Variants in HDAC9 observed in about 807,000 individuals in gnomAD.
HDAC9 encodes the protein histone deacetylase 9.
HDAC9 carries 41 observed loss-of-function variants against 139.4 expected under a neutral mutation model. The observed-to-expected ratio is 0.29, with a 90% CI of 0.23 to 0.38. The LOEUF (loss-of-function observed/expected upper bound fraction) is 0.38, where lower values mean the gene tolerates loss of function less well. HDAC9 is among the 10% of genes least tolerant of loss of function. The pLI, the probability that HDAC9 is intolerant of heterozygous loss-of-function variation, is 1.00. For synonymous variants in HDAC9, 517 were observed against 476.2 expected (o/e 1.09, Z -1.12); for missense variants, 1,147 against 1,297.0 (o/e 0.88, Z 1.78).
intron 2 of HDAC9, among the ~76,000 whole-genome samples, chr7:18,227,984 A>G (rs1793186562): frequency 6.6e-6 from 1 of 152,148 alleles, no homozygotes; most frequent in African/African-American, 2.4e-5. Context: ...TCTTTAGTCT[A>G]TATATGCTGA....
intron 2 of HDAC9, among the ~76,000 whole-genome samples, chr7:18,259,156 G>A (rs1795479746): frequency 6.6e-6 from 1 of 151,678 alleles, no homozygotes; most frequent in Non-Finnish European, 1.5e-5. Flanking sequence ...TTTTAGTAGA[G>A]ATGGGGTTTC....
At chr7:18,158,131 G>A (rs1226653350) in intron 1 of HDAC9, among the ~76,000 whole-genome samples, 7 of 152,066 alleles carry the variant, frequency 4.6e-5, no homozygotes, top group East Asian at 1.9e-4. Flanking sequence ...CTATAAAAGC[G>A]TTCTGCTTTT....
intron 23 of HDAC9, among the ~76,000 whole-genome samples, chr7:18,939,631 C>T (rs939525087): frequency 5.3e-5 from 8 of 151,976 alleles, no homozygotes; most frequent in Non-Finnish European, 1.0e-4. Context: ...ATATATAAGG[C>T]GTATTACATG....
intron 22 of HDAC9, among the ~76,000 whole-genome samples, chr7:18,933,163 A>G (rs184337388): frequency 1.2e-3 from 176 of 152,192 alleles, no homozygotes; most frequent in Non-Finnish European, 2.2e-3. Context: ...ACAGAAATTT[A>G]TTTCTCACAG....
intron 2 of HDAC9, among the ~76,000 whole-genome samples, chr7:18,234,551 A>G (rs139579765): frequency 1.1e-3 from 164 of 152,292 alleles, no homozygotes; most frequent in African/African-American, 3.9e-3. Flanking sequence ...AACTCATTTA[A>G]TATGCCATCG....
intron 13 of HDAC9, among the ~76,000 whole-genome samples, chr7:18,728,332 A>G (rs907380665): frequency 6.6e-6 from 1 of 151,162 alleles, no homozygotes; most frequent in African/African-American, 2.4e-5. Flanking sequence ...GCTGTGTTTG[A>G]TATTTCAGAA....
At chr7:18,272,906 GACTACTGCT>G (rs1178800549) in intron 2 of HDAC9, among the ~76,000 whole-genome samples, 5 of 130,290 alleles carry the variant, frequency 3.8e-5, no homozygotes, top group African/African-American at 5.9e-5. Flanking sequence ...AAGATAACTA[GACTACTGCT>G]ACTACTACTA....
At chr7:18,773,026 T>C (rs1303344165) in intron 16 of HDAC9, among the ~76,000 whole-genome samples, 7 of 152,066 alleles carry the variant, frequency 4.6e-5, no homozygotes, top group Non-Finnish European at 1.0e-4. Flanking sequence ...TGGGACAAAA[T>C]GTGAAAATAC....
At chr7:18,471,751 T>A (rs1427056951) in intron 1 of HDAC9, among the ~76,000 whole-genome samples, 1 of 152,170 alleles carries the variant, frequency 6.6e-6, no homozygotes, top group East Asian at 1.9e-4. Context: ...GTGCCTGTTG[T>A]TTGGTTTAAT....
chr7:18,306,526 A>T (rs1798918160), intron 1 of HDAC9, among the ~76,000 whole-genome samples: 1 of 152,212 alleles, frequency 6.6e-6, no homozygotes, highest in Non-Finnish European at 1.5e-5. Context: ...AAGTTTAATT[A>T]AGACTGAGTA....
At chr7:18,209,373 A>G (rs1026936885) in intron 2 of HDAC9, among the ~76,000 whole-genome samples, 3 of 152,184 alleles carry the variant, frequency 2.0e-5, no homozygotes, top group Admixed American at 6.5e-5. Flanking sequence ...AGTAAGTGCT[A>G]AATTTTGGCT....
At chr7:18,687,539 T>C (rs1019852839) in intron 12 of HDAC9, among the ~76,000 whole-genome samples, 2 of 151,886 alleles carry the variant, frequency 1.3e-5, no homozygotes, top group African/African-American at 4.8e-5. Flanking sequence ...TTTTGCATTC[T>C]TTTATTTTTC....
intron 2 of HDAC9, among the ~76,000 whole-genome samples, chr7:18,263,005 T>A (rs1349229505): frequency 1.3e-5 from 2 of 152,184 alleles, no homozygotes; most frequent in Admixed American, 6.5e-5. Flanking sequence ...TCCTACCTTA[T>A]GAGTAATTTA....
chr7:18,787,146 G>A (rs1342849943), intron 16 of HDAC9, among the ~76,000 whole-genome samples: 1 of 152,088 alleles, frequency 6.6e-6, no homozygotes, highest in African/African-American at 2.4e-5. Flanking sequence ...AGGACTCTGG[G>A]AGTGTGGGTT....
intron 22 of HDAC9, chr7:18,899,360 A>C (rs565026798): frequency 6.6e-6 from 1 of 151,792 alleles, no homozygotes; most frequent in Non-Finnish European, 1.5e-5. Flanking sequence ...TGCTCTCCCT[A>C]TAGCCAAACA....
At chr7:18,495,075 C>T (rs1351233334), upstream of HDAC9, among the ~76,000 whole-genome samples, 1 of 152,020 alleles carries the variant, frequency 6.6e-6, no homozygotes, top group East Asian at 1.9e-4. Flanking sequence ...AGTAAAAAAT[C>T]AAGCCTGTCC....
chr7:18,443,317 T>A (rs1791965128), intron 1 of HDAC9, among the ~76,000 whole-genome samples: 1 of 152,188 alleles, frequency 6.6e-6, no homozygotes, highest in South Asian at 2.1e-4. Context: ...AGTGATTAAA[T>A]GTAACTGTAT....
intron 1 of HDAC9, among the ~76,000 whole-genome samples, chr7:18,135,294 T>C (rs931471126): frequency 6.6e-6 from 1 of 151,446 alleles, no homozygotes; most frequent in Non-Finnish European, 1.5e-5. Flanking sequence ...TTTACCATAT[T>C]CTTTTTTTTT....
chr7:18,455,193 C>T (rs1793233378), intron 1 of HDAC9, among the ~76,000 whole-genome samples: 1 of 151,954 alleles, frequency 6.6e-6, no homozygotes, highest in African/African-American at 2.4e-5. Context: ...ACTTAATATT[C>T]TGTAGCTTGT....
Sources: allele counts gnomAD v4.1 joint callset (sites outside exome capture counted in the v4.1 genomes callset), GRCh38; gene constraint gnomAD v4.1.1; transcripts MANE v1.5; gene names NCBI Gene and HGNC (gene_info 2026-07-23, HGNC 2026-07-21).